Variants in MACROD2 observed in about 807,000 individuals in gnomAD.
MACROD2 encodes the protein mono-ADP ribosylhydrolase 2.
Under a neutral mutation model 70.4 loss-of-function variants are expected in MACROD2, and 36 were observed. That is an observed-to-expected ratio of 0.51 (90% CI 0.39 to 0.68). The LOEUF is 0.68. Among genes scored for constraint, MACROD2 ranks in the 30% least tolerant of loss-of-function variants. The pLI is 0.00. For missense variants in MACROD2, 496 were observed against 538.4 expected (o/e 0.92, Z 0.78); for synonymous variants, 172 against 178.8 (o/e 0.96, Z 0.30).
At chr20:14,901,767 A>T (rs2073897543) in intron 5 of MACROD2, among the ~76,000 whole-genome samples, 1 of 152,174 alleles carries the variant, frequency 6.6e-6, no homozygotes, top group African/African-American at 2.4e-5. Flanking sequence ...AATTGCCTGG[A>T]ATAGTTTCTC....
Position 14,922,024 on chromosome 20 carries a change from G to A in MACROD2, c.418+237065G>A, listed in dbSNP as rs1001828916. ...CTAATTATTTTCTGATTGCAGGATA[G>A]CCTTGTTGGAAATGCTCAACTTGGA... On this transcript the variant is annotated intron_variant, in intron 5 of 17. Transcript: ENST00000684519. 9.2e-5 allele frequency among the ~76,000 whole-genome samples: 14 copies of A among 152,122 alleles called. 1 individual carries two copies. The highest frequency in any genetic ancestry group is 8.3e-4 in the South Asian group (4 of 4,830).
intron 4 of MACROD2, among the ~76,000 whole-genome samples, chr20:14,621,578 G>C (rs1474107978): frequency 6.6e-6 from 1 of 152,106 alleles, no homozygotes; most frequent in East Asian, 1.9e-4. Context: ...CATAACATGG[G>C]AAATGTTGTT....
chr20:15,783,695 A>G (rs2051873427), intron 8 of MACROD2, among the ~76,000 whole-genome samples: 1 of 152,174 alleles, frequency 6.6e-6, no homozygotes, highest in African/African-American at 2.4e-5. Context: ...TATTTTGGAA[A>G]ATGAGGCTAT....
At chr20:15,770,398 T>C (rs979501566) in intron 8 of MACROD2, among the ~76,000 whole-genome samples, 3 of 152,164 alleles carry the variant, frequency 2.0e-5, no homozygotes, top group African/African-American at 7.2e-5. Flanking sequence ...CTAGCTGATC[T>C]TGAAAGACTG....
chr20:14,539,282 G>A (rs1165277159), intron 4 of MACROD2, among the ~76,000 whole-genome samples: 1 of 152,150 alleles, frequency 6.6e-6, no homozygotes, highest in East Asian at 1.9e-4. Flanking sequence ...TGAAGCAGTT[G>A]TTCCCACATA....
At chr20:15,210,520 G>T (rs1358119164) in intron 5 of MACROD2, among the ~76,000 whole-genome samples, 5 of 148,464 alleles carry the variant, frequency 3.4e-5, no homozygotes, top group Admixed American at 2.0e-4. Context: ...TTACAGGCAC[G>T]TCCAGCACCG....
intron 15 of MACROD2, among the ~76,000 whole-genome samples, chr20:16,015,222 TAAATGTA>T (rs774394754): frequency 1.1e-4 from 16 of 152,236 alleles, no homozygotes; most frequent in Non-Finnish European, 1.2e-4. Flanking sequence ...GCAGACAATT[TAAATGTA>T]ATTTAAATAC....
At chr20:14,468,635 C>T (rs1362623255) in intron 3 of MACROD2, among the ~76,000 whole-genome samples, 1 of 151,958 alleles carries the variant, frequency 6.6e-6, no homozygotes, top group Non-Finnish European at 1.5e-5. Flanking sequence ...CCTCAGCCTC[C>T]TGAGTAGCTG....
At chr20:15,416,767 T>TG (rs5840666) in intron 6 of MACROD2, among the ~76,000 whole-genome samples, 34,817 of 150,836 alleles carry the variant, frequency 0.23, 4,415 homozygotes, top group African/African-American at 0.32. Context: ...AGCGGGGCGG[T>TG]GGGGGGGCGC....
At chr20:16,047,522 G>C (rs1440462945) in intron 17 of MACROD2, among the ~76,000 whole-genome samples, 1 of 152,164 alleles carries the variant, frequency 6.6e-6, no homozygotes, top group Non-Finnish European at 1.5e-5. Flanking sequence ...AGCTTTAAGA[G>C]GCTTGTAACT....
At chr20:15,570,603 C>A (rs2048364862) in intron 8 of MACROD2, among the ~76,000 whole-genome samples, 1 of 152,222 alleles carries the variant, frequency 6.6e-6, no homozygotes, top group Non-Finnish European at 1.5e-5. Context: ...ACTGCATTGG[C>A]ACTCACACTT....
chr20:15,417,500 G>A (rs2046169048), intron 6 of MACROD2, among the ~76,000 whole-genome samples: 1 of 150,492 alleles, frequency 6.6e-6, no homozygotes, highest in Admixed American at 6.6e-5. Context: ...TGGGGAGGCT[G>A]AGATGGGAGA....
At chr20:14,241,032 C>T (rs984275615) in intron 3 of MACROD2, among the ~76,000 whole-genome samples, 1 of 152,114 alleles carries the variant, frequency 6.6e-6, no homozygotes, top group African/African-American at 2.4e-5. Flanking sequence ...AGGAGAATCA[C>T]CTGAACCCGG....
At chr20:14,701,721 T>G (rs1211095874) in intron 5 of MACROD2, among the ~76,000 whole-genome samples, 1 of 152,180 alleles carries the variant, frequency 6.6e-6, no homozygotes, top group African/African-American at 2.4e-5. Flanking sequence ...GTATTAAAGA[T>G]AGTTTCACTA....
intron 3 of MACROD2, among the ~76,000 whole-genome samples, chr20:14,413,096 C>T (rs1287150900): frequency 6.6e-6 from 1 of 151,860 alleles, no homozygotes. Flanking sequence ...TAGGAGCCAG[C>T]TATACTATTA....
intron 5 of MACROD2, among the ~76,000 whole-genome samples, chr20:15,103,988 T>C (rs1044724143): frequency 2.6e-5 from 4 of 152,090 alleles, no homozygotes; most frequent in Non-Finnish European, 5.9e-5. Flanking sequence ...TGATTTACAG[T>C]TTTAAAAGAT....
chr20:15,341,878 C>T (rs1395366579), intron 6 of MACROD2, among the ~76,000 whole-genome samples: 4 of 152,014 alleles, frequency 2.6e-5, no homozygotes, highest in Non-Finnish European at 5.9e-5. Flanking sequence ...TGGCAACAAC[C>T]TGTCTCTACA....
At chr20:14,759,162 A>G (rs1358645780) in intron 5 of MACROD2, among the ~76,000 whole-genome samples, 12 of 152,160 alleles carry the variant, frequency 7.9e-5, no homozygotes, top group Non-Finnish European at 1.5e-5. Context: ...TTAGCACAAC[A>G]GGAGAATTTA....
At chr20:15,004,247 A>G (rs2075018370) in intron 5 of MACROD2, among the ~76,000 whole-genome samples, 1 of 152,182 alleles carries the variant, frequency 6.6e-6, no homozygotes, top group Admixed American at 6.5e-5. Flanking sequence ...CATTTTTCTT[A>G]AGGTCATGGG....
Sources: gnomAD v4.1 joint callset for allele counts (sites outside exome capture counted in the v4.1 genomes callset) on GRCh38, gnomAD v4.1.1 for gene constraint, MANE v1.5 for transcripts, NCBI Gene and HGNC (gene_info 2026-07-23, HGNC 2026-07-21) for gene names.